Variants in STK39 observed in about 807,000 individuals in gnomAD.
STK39 encodes the protein STE20/SPS1-related proline-alanine-rich protein kinase.
A neutral mutation model predicts 77.8 loss-of-function variants in STK39; 20 were observed. The ratio of observed to expected loss-of-function variants is 0.26; its 90% CI spans 0.18 to 0.37. STK39 has a LOEUF of 0.37. STK39 is among the 10% of genes least tolerant of loss of function. STK39 has a pLI of 1.00. For synonymous variants in STK39, 246 were observed against 234.1 expected (o/e 1.05, Z -0.47); for missense variants, 479 against 656.5 (o/e 0.73, Z 2.95).
chr2:168,082,337 A>G (rs982402898), intron 10 of STK39, among the ~76,000 whole-genome samples: 5 of 152,320 alleles, frequency 3.3e-5, no homozygotes, highest in South Asian at 2.1e-4. Flanking sequence ...ACGTTTTGCT[A>G]AAGATAGTCT....
At position 168,181,108 on chromosome 2, in the gene STK39, T is replaced by C. The variant is rs184418466; in HGVS notation, c.321+870A>G. ...TTTGCAGCCAACTGTCATTATACTT[T>C]GTAGCTTGTATGGAGCTACTGGACT... On this transcript the variant is annotated intron_variant, in intron 2 of 17. Coordinates refer to ENST00000355999, the MANE Select transcript of STK39 (RefSeq NM_013233.3). 2.6e-5 allele frequency among the ~76,000 whole-genome samples: 4 copies of C among 152,368 alleles called. No homozygotes were observed. The East Asian group carries it at 7.7e-4, about 29-fold the overall frequency.
intron 17 of STK39, among the ~76,000 whole-genome samples, chr2:167,963,593 T>C (rs1692062404): frequency 6.6e-6 from 1 of 152,038 alleles, no homozygotes; most frequent in Admixed American, 6.6e-5. Flanking sequence ...ATTTTCCTAT[T>C]TGTTAACCTA....
chr2:168,210,478 C>G (rs1689862545), intron 1 of STK39, among the ~76,000 whole-genome samples: 1 of 152,168 alleles, frequency 6.6e-6, no homozygotes, highest in Non-Finnish European at 1.5e-5. Context: ...GCACACACAT[C>G]AAGACACCTA....
At chr2:168,004,730 C>T (rs1684082890) in intron 16 of STK39, among the ~76,000 whole-genome samples, 1 of 99,702 alleles carries the variant, frequency 1.0e-5, no homozygotes, top group Non-Finnish European at 1.8e-5. Context: ...GAGACTCCAT[C>T]TCAAAAAAAA....
Position 168,247,436 on chromosome 2 carries a change from G to A in STK39, c.-1C>T. 1 of 1,277,948 alleles carries A rather than the reference G, an allele frequency of 7.8e-7. No individual in the cohort carries two copies. The highest frequency in any genetic ancestry group is 1.0e-6 in the Non-Finnish European group (1 of 1,000,854). The allele number at this position is 1,277,948 out of a possible 1,614,324, so 79.2% of individuals were successfully genotyped here. A position where few individuals can be genotyped will look rare whatever the true frequency, so the allele number is the denominator to read the frequency against. ...CGGGCGAGCCGCTCGGCTCCGCCATGATGCTGCGGAGGAGAGCAGGAGGAC... is the reference window on the plus strand; with the variant it reads ...CGGGCGAGCCGCTCGGCTCCGCCATAATGCTGCGGAGGAGAGCAGGAGGAC... On this transcript the variant is annotated 5_prime_UTR_variant, in exon 1 of 18. Transcript: ENST00000355999.
Position 168,046,419 on chromosome 2 carries a change from C to T in STK39, c.1376+17081G>A, listed in dbSNP as rs138703212. Among the ~76,000 whole-genome samples, 480 of 152,238 alleles carry T rather than the reference C, an allele frequency of 3.2e-3. 4 individuals carry two copies. The highest frequency in any genetic ancestry group is 0.027 in the East Asian group (139 of 5,174). ...CAAACAAAAGAAAACTAGTGAGACACGGCAGAGTGCAGAGAAGGAGCAGCC... is the reference window on the plus strand; with the variant it reads ...CAAACAAAAGAAAACTAGTGAGACATGGCAGAGTGCAGAGAAGGAGCAGCC... On this transcript the variant is annotated intron_variant, in intron 14 of 17. Transcript: ENST00000355999.
intron 14 of STK39, among the ~76,000 whole-genome samples, chr2:168,060,852 C>T (rs376753831): frequency 5.7e-4 from 86 of 151,308 alleles, no homozygotes; most frequent in Non-Finnish European, 7.3e-4. Flanking sequence ...AAAGTCACTC[C>T]GACAGTGAAT....
intron 12 of STK39, among the ~76,000 whole-genome samples, chr2:168,066,864 G>A (rs1475056157): frequency 1.3e-5 from 2 of 152,254 alleles, no homozygotes; most frequent in African/African-American, 4.8e-5. Context: ...GAGATGCACA[G>A]GAGAGCTGGA....
At chr2:168,209,450 G>A (rs577498874) in intron 1 of STK39, among the ~76,000 whole-genome samples, 8 of 152,202 alleles carry the variant, frequency 5.3e-5, no homozygotes, top group Non-Finnish European at 1.0e-4. Flanking sequence ...GCGGAGGTGG[G>A]CAGATCCCCT....
chr2:168,204,008 T>C (rs1464360057), intron 1 of STK39, among the ~76,000 whole-genome samples: 1 of 152,218 alleles, frequency 6.6e-6, no homozygotes, highest in Non-Finnish European at 1.5e-5. Flanking sequence ...TCCTCTATCT[T>C]AAGGGCCTCC....
At chr2:168,244,313 T>C (rs1186757927) in intron 1 of STK39, among the ~76,000 whole-genome samples, 5 of 152,234 alleles carry the variant, frequency 3.3e-5, no homozygotes, top group Admixed American at 1.3e-4. Context: ...TTAGTAAACT[T>C]ATTCTCTCTT....
At chr2:168,091,971 C>T (rs191231827) in intron 10 of STK39, among the ~76,000 whole-genome samples, 169 of 152,286 alleles carry the variant, frequency 1.1e-3, no homozygotes, top group African/African-American at 3.2e-3. Flanking sequence ...TATCAGTCTA[C>T]GTTCAATTTT....
intron 8 of STK39, among the ~76,000 whole-genome samples, chr2:168,132,921 T>G (rs1388678057): frequency 1.3e-5 from 2 of 152,204 alleles, no homozygotes; most frequent in African/African-American, 4.8e-5. Context: ...GCTACACATT[T>G]GGACACAGCA....
At chr2:168,128,518 G>A (rs1687602098) in intron 10 of STK39, among the ~76,000 whole-genome samples, 1 of 152,176 alleles carries the variant, frequency 6.6e-6, no homozygotes, top group African/African-American at 2.4e-5. Flanking sequence ...CCCAGCCACA[G>A]CGCAGAAACC....
chr2:168,238,378 A>C (rs1690675047), intron 1 of STK39, among the ~76,000 whole-genome samples: 1 of 152,228 alleles, frequency 6.6e-6, no homozygotes, highest in South Asian at 2.1e-4. Flanking sequence ...TTTTTTACCT[A>C]AGGGAAGAAT....
At position 168,216,817 on chromosome 2, in the gene STK39, T is replaced by C. The variant is rs976027362; in HGVS notation, c.208+30411A>G. 9.2e-5 allele frequency among the ~76,000 whole-genome samples: 14 copies of C among 152,360 alleles called. No individual in the cohort carries two copies. The South Asian group carries it at 1.9e-3, about 20-fold the overall frequency. On this transcript the variant is annotated intron_variant, in intron 1 of 17. Coordinates refer to ENST00000355999, the MANE Select transcript of STK39 (RefSeq NM_013233.3). Reference sequence around the variant, plus strand: ...GCGGACTTTCATCTCCTGAGAGGTCTTGGTCACCGGCTCTGTGCCAGGCAC... The same window carrying C: ...GCGGACTTTCATCTCCTGAGAGGTCCTGGTCACCGGCTCTGTGCCAGGCAC...
chr2:168,193,798 G>C (rs796856163), intron 1 of STK39, among the ~76,000 whole-genome samples: 20 of 152,330 alleles, frequency 1.3e-4, no homozygotes, highest in African/African-American at 4.6e-4. Flanking sequence ...ACAGGGGTGA[G>C]TTCTACATTT....
At chr2:168,061,689 G>A (rs1685668943) in intron 14 of STK39, among the ~76,000 whole-genome samples, 1 of 152,126 alleles carries the variant, frequency 6.6e-6, no homozygotes, top group African/African-American at 2.4e-5. Flanking sequence ...GATTGCAAGA[G>A]CAATATAGAA....
chr2:168,044,174 G>A (rs1685179129), intron 14 of STK39, among the ~76,000 whole-genome samples: 1 of 152,118 alleles, frequency 6.6e-6, no homozygotes, highest in Non-Finnish European at 1.5e-5. Flanking sequence ...TGAGAGAAAG[G>A]GGAAGATCCT....
Sources: gnomAD v4.1 joint callset for allele counts (sites outside exome capture counted in the v4.1 genomes callset) on GRCh38, gnomAD v4.1.1 for gene constraint, MANE v1.5 for transcripts, NCBI Gene and HGNC (gene_info 2026-07-23, HGNC 2026-07-21) for gene names.